Variants in NR1D2 observed in about 807,000 individuals in gnomAD.
NR1D2 encodes nuclear receptor subfamily 1 group D member 2.
A neutral mutation model predicts 52.2 loss-of-function variants in NR1D2; 25 were observed. The ratio of observed to expected loss-of-function variants is 0.48; its 90% CI spans 0.35 to 0.67. The LOEUF is 0.67. NR1D2 is among the 30% of genes least tolerant of loss of function. The pLI is 0.01. For synonymous variants in NR1D2, 259 were observed against 230.1 expected (o/e 1.13, Z -1.14); for missense variants, 681 against 707.2 (o/e 0.96, Z 0.42).
chr3:23,971,740 A>C (rs1302392837), intron 7 of NR1D2, among the ~76,000 whole-genome samples: 1 of 117,808 alleles, frequency 8.5e-6, no homozygotes, highest in Non-Finnish European at 1.7e-5. Context: ...GTTTAGATAG[A>C]ATCTCTTAAT....
At position 23,967,709 on chromosome 3, in the gene NR1D2, C is replaced by A. The variant is rs377061992; in HGVS notation, c.1333-104C>A. ...TACCCTGTTTTTCTTTTATAACTTT[C>A]TTTTATATGTGGGATGATTCATAAC... On this transcript the variant is annotated intron_variant, in intron 6 of 7. Transcript: ENST00000312521. The A allele has an allele frequency of 1.4e-4, 118 of 846,934 alleles. 3 individuals are homozygous for A. The South Asian group carries it at 1.6e-3, about 11-fold the overall frequency. 52.5% of individuals were successfully genotyped at this position (846,934 alleles called of 1,614,324 possible).
chr3:23,973,252 G>A lies in NR1D2; in HGVS notation c.1544-3971G>A, dbSNP rs368688149. 9.2e-5 allele frequency among the ~76,000 whole-genome samples: 14 copies of A among 152,288 alleles called. 1 individual carries two copies. In the South Asian group the frequency reaches 1.7e-3, roughly 18 times the overall value. On this transcript the variant is annotated intron_variant, in intron 7 of 7. Transcript: ENST00000312521. ...ATGACGTAAATATGTTCTGAGAAAT[G>A]CATTGTTAGGCAATTTTGTCATTGT...
At chr3:23,949,250 A>G (rs975537693) in intron 1 of NR1D2, among the ~76,000 whole-genome samples, 1 of 152,018 alleles carries the variant, frequency 6.6e-6, no homozygotes, top group African/African-American at 2.4e-5. Context: ...CTGTAATCCC[A>G]GCTACTTGGG....
chr3:23,946,659 A>G (rs938560676), intron 1 of NR1D2: 1 of 152,242 alleles, frequency 6.6e-6, no homozygotes, highest in African/African-American at 2.4e-5. Flanking sequence ...TCAGGTGATC[A>G]TAGGTGACTC....
Position 23,978,417 on chromosome 3 carries a change from T to C in NR1D2, c.*998T>C, listed in dbSNP as rs1007160181. ...ACAGTAGAATATTGAATTTATGCTC[T>C]ATTTTTGTTTATTTAAGCAACACTT... On this transcript the variant is annotated 3_prime_UTR_variant, in exon 8 of 8. Coordinates refer to ENST00000312521, the MANE Select transcript of NR1D2 (RefSeq NM_005126.5). 5 of 152,148 alleles carry C rather than the reference T, an allele frequency of 3.3e-5. No individual in the cohort carries two copies. Among genetic ancestry groups the C allele is most frequent in the Non-Finnish European group, 7.4e-5 (5 of 68,006 alleles). The allele number at this position is 152,148 out of a possible 1,614,324, so 9.4% of individuals were successfully genotyped here.
At chr3:23,954,878 G>T (rs1175254681) in intron 2 of NR1D2, 75 bp downstream of exon 2, 4 of 1,426,276 alleles carry the variant, frequency 2.8e-6, no homozygotes, top group Non-Finnish European at 2.9e-6. Context: ...TTTTCATTTA[G>T]GTGGCCATTA....
chr3:23,952,437 C>T lies in NR1D2; in HGVS notation c.17-2100C>T, dbSNP rs554561936. Among the ~76,000 whole-genome samples, 26 of 152,014 alleles carry T rather than the reference C, an allele frequency of 1.7e-4. No individual in the cohort carries two copies. The South Asian group carries it at 2.5e-3, about 15-fold the overall frequency. On this transcript the variant is annotated intron_variant, in intron 1 of 7. Coordinates refer to ENST00000312521, the MANE Select transcript of NR1D2 (RefSeq NM_005126.5). ...GTTAAATTTGTGTCTGGGCTGGGCACGGTGGCTCACACCTGTAATCTCAGC... is the reference window on the plus strand; with the variant it reads ...GTTAAATTTGTGTCTGGGCTGGGCATGGTGGCTCACACCTGTAATCTCAGC...
In NR1D2 at chr3:23,967,825, C is replaced by T. The variant is rs539276046; in HGVS notation, c.1345C>T (p.Arg449Trp). The change falls in exon 7 of 8, where the codon CGG becomes TGG. Residue 449 changes from arginine (R) to tryptophan (W), a missense_variant. By Grantham distance (101) the Arg-to-Trp change is moderately radical. Coordinates refer to ENST00000312521, the MANE Select transcript of NR1D2 (RefSeq NM_005126.5). ...KAGTFEVLMVRFASLFDAKER... is the reference protein window; with the variant it reads ...KAGTFEVLMVWFASLFDAKER... ...TTTCTTTTTCCAGGTTTTAATGGTA[C>T]GGTTCGCATCATTATTTGATGCAAA... The T allele has an allele frequency of 8.7e-6, 14 of 1,612,950 alleles. No homozygotes were observed. Among genetic ancestry groups the T allele is most frequent in the African/African-American group, 1.3e-5 (1 of 74,972 alleles).
At chr3:23,961,060 A>T (rs1239880558) in intron 4 of NR1D2, among the ~76,000 whole-genome samples, 2 of 152,126 alleles carry the variant, frequency 1.3e-5, no homozygotes, top group Non-Finnish European at 2.9e-5. Flanking sequence ...AAATCTACCA[A>T]GTTTATTTTT....
At chr3:23,959,648 A>G (rs1706184254) in intron 3 of NR1D2, 23 bp from the exon 4 acceptor site, 7 of 1,602,620 alleles carry the variant, frequency 4.4e-6, no homozygotes, top group Admixed American at 3.5e-5. Context: ...TAAATGGGTA[A>G]GTAAATCTTC....
At position 23,945,536 on chromosome 3, in the gene NR1D2, T is replaced by G; in HGVS notation, c.-43T>G. The G allele has an allele frequency of 2.7e-6, 3 of 1,126,360 alleles. No individual in the cohort carries two copies. The allele number at this position is 1,126,360 out of a possible 1,614,324, so 69.8% of individuals were successfully genotyped here. On this transcript the variant is annotated 5_prime_UTR_variant, in exon 1 of 8. Coordinates refer to ENST00000312521, the MANE Select transcript of NR1D2 (RefSeq NM_005126.5). ...AGGCGGCGGCGGCGGCGCTGCCCCC[T>G]CTGCGGGAAGCGGGCGGCCCCGGCC...
intron 1 of NR1D2, chr3:23,946,224 G>A: frequency 1.0e-6 from 1 of 985,502 alleles, no homozygotes. Flanking sequence ...ACACCGCAGT[G>A]CACCGGACGC....
intron 1 of NR1D2, chr3:23,946,225 CACCGG>C (rs1697184190): frequency 1.0e-6 from 1 of 985,496 alleles, no homozygotes; most frequent in East Asian, 1.1e-4. Context: ...CACCGCAGTG[CACCGG>C]ACGCCGCACG....
chr3:23,960,367 T>C (rs1196097246), intron 4 of NR1D2, among the ~76,000 whole-genome samples: 1 of 151,992 alleles, frequency 6.6e-6, no homozygotes. Context: ...ATCGTGCCAC[T>C]GCACTCTAAC....
intron 1 of NR1D2, 103 bp from the exon 2 acceptor site, chr3:23,954,434 G>A: frequency 2.1e-6 from 2 of 940,094 alleles, no homozygotes; most frequent in Non-Finnish European, 3.3e-6. Flanking sequence ...TTTCATATCA[G>A]TATCCTGTTT....
intron 7 of NR1D2, among the ~76,000 whole-genome samples, chr3:23,976,245 A>G (rs1045489763): frequency 4.6e-5 from 7 of 152,262 alleles, no homozygotes; most frequent in Admixed American, 2.6e-4. Context: ...ATAAAGTTGC[A>G]TAGTGTATTA....
chr3:23,958,905 C>A (rs1706157955), intron 3 of NR1D2, among the ~76,000 whole-genome samples: 1 of 152,116 alleles, frequency 6.6e-6, no homozygotes, highest in Admixed American at 6.5e-5. Context: ...GCTGAGATCG[C>A]ACCACTGCAC....
chr3:23,980,485 A>C lies in NR1D2; in HGVS notation c.*3066A>C, dbSNP rs1359229052. On this transcript the variant is annotated 3_prime_UTR_variant, in exon 8 of 8. Coordinates refer to ENST00000312521, the MANE Select transcript of NR1D2 (RefSeq NM_005126.5). ...GCTATTGTTTAAAAAAATGATAGAA[A>C]TACATTGTTGATGGGATATGAGTTA... 2.0e-5 allele frequency: 3 copies of C among 152,104 alleles called. No homozygotes were observed. The highest frequency in any genetic ancestry group is 4.4e-5 in the Non-Finnish European group (3 of 68,000). The allele number at this position is 152,104 out of a possible 1,614,324, so 9.4% of individuals were successfully genotyped here. A position where few individuals can be genotyped will look rare whatever the true frequency, so the allele number is the denominator to read the frequency against.
At chr3:23,969,750 C>G (rs922643483) in intron 7 of NR1D2, among the ~76,000 whole-genome samples, 4 of 152,180 alleles carry the variant, frequency 2.6e-5, no homozygotes, top group African/African-American at 9.7e-5. Flanking sequence ...CTTTATGCTA[C>G]TAAACCGTGT....
Sources: allele counts gnomAD v4.1 joint callset (sites outside exome capture counted in the v4.1 genomes callset), GRCh38; gene constraint gnomAD v4.1.1; transcripts MANE v1.5; gene names NCBI Gene and HGNC (gene_info 2026-07-23, HGNC 2026-07-21).